Variants in SPATA6 observed in about 807,000 individuals in gnomAD.
SPATA6 encodes the protein spermatogenesis-associated protein 6.
A neutral mutation model predicts 65.3 loss-of-function variants in SPATA6; 56 were observed. That is an observed-to-expected ratio of 0.86 (90% confidence interval 0.69 to 1.07). The LOEUF is 1.07. SPATA6 is among the 50% of genes least tolerant of loss of function. The pLI is 0.00. For synonymous variants in SPATA6, 199 were observed against 213.2 expected (o/e 0.93, Z 0.58); for missense variants, 590 against 594.8 (o/e 0.99, Z 0.08).
intron 1 of SPATA6, among the ~76,000 whole-genome samples, chr1:48,457,286 G>A (rs962663228): frequency 6.6e-6 from 1 of 151,978 alleles, no homozygotes; most frequent in Non-Finnish European, 1.5e-5. Context: ...ACAAAAATTA[G>A]CTGGGCATGG....
intron 8 of SPATA6, 103 bp from the exon 9 acceptor site, chr1:48,385,452 A>G: frequency 2.0e-6 from 2 of 998,080 alleles, no homozygotes; most frequent in South Asian, 2.0e-5. Flanking sequence ...AGAATATTTC[A>G]GAGATACTTC....
At chr1:48,470,128 TAC>T (rs746330657) in intron 1 of SPATA6, among the ~76,000 whole-genome samples, 10 of 152,332 alleles carry the variant, frequency 6.6e-5, no homozygotes, top group Middle Eastern at 6.8e-3. Context: ...TACAGTGAAT[TAC>T]ACAGTCATTC....
rs574072359 is a variant in SPATA6, at chr1:48,308,499, G to GT, written c.1195-2622dup. ...AACTAAAGAGTTACTGGCAAAAACT[G>GT]TATTTAGCCTATCTTTTATATTTAC... is the stretch of plus-strand genomic sequence containing the variant. On this transcript the variant is annotated intron_variant, in intron 11 of 12. Coordinates refer to ENST00000371847, the MANE Select transcript of SPATA6 (RefSeq NM_019073.4). 6.8e-4 allele frequency among the ~76,000 whole-genome samples: 103 copies of GT among 152,188 alleles called. 2 individuals are homozygous for GT. The South Asian group carries it at 0.02, about 29-fold the overall frequency.
At chr1:48,326,782 G>A (rs1002564621) in intron 11 of SPATA6, among the ~76,000 whole-genome samples, 1 of 152,036 alleles carries the variant, frequency 6.6e-6, no homozygotes, top group Non-Finnish European at 1.5e-5. Context: ...GAATAGCGCT[G>A]GGAGAATTAG....
intron 11 of SPATA6, among the ~76,000 whole-genome samples, chr1:48,352,527 C>T (rs1015030667): frequency 6.6e-6 from 1 of 151,740 alleles, no homozygotes; most frequent in Non-Finnish European, 1.5e-5. Context: ...AGCAAATATC[C>T]AAACTGGAGA....
At chr1:48,368,251 G>A (rs1220902319) in intron 9 of SPATA6, among the ~76,000 whole-genome samples, 1 of 152,094 alleles carries the variant, frequency 6.6e-6, no homozygotes, top group Admixed American at 6.6e-5. Context: ...TTAAACTTTG[G>A]TGAATCTGAC....
At chr1:48,291,225 G>T (rs904972429), downstream of SPATA6, among the ~76,000 whole-genome samples, 3 of 152,200 alleles carry the variant, frequency 2.0e-5, no homozygotes, top group Non-Finnish European at 4.4e-5. Flanking sequence ...CCAGGAGGTG[G>T]CACTTTCAAA....
In SPATA6 at chr1:48,298,865, G is replaced by A. The variant is rs1169356642; in HGVS notation, c.1315C>T (p.His439Tyr). ...GACCAGTATTCACCGTCATCCAAATGGAAAGTGCCACGTGGCTGCTGACAT... is the reference window on the plus strand; with the variant it reads ...GACCAGTATTCACCGTCATCCAAATAGAAAGTGCCACGTGGCTGCTGACAT... ...SSCQQPRGTF[H>Y]LDDGEYWSNR... The change falls in exon 13 of 13, where the codon CAT becomes TAT. Residue 439 changes from histidine (H) to tyrosine (Y), a missense_variant. By Grantham distance (83) the His-to-Tyr change is moderately conservative. Coordinates refer to ENST00000371847, the MANE Select transcript of SPATA6 (RefSeq NM_019073.4). 15 of 1,613,402 alleles carry A rather than the reference G, an allele frequency of 9.3e-6. No individual in the cohort carries two copies. Among genetic ancestry groups the A allele is most frequent in the Non-Finnish European group, 1.3e-5 (15 of 1,179,762 alleles).
At chr1:48,341,135 A>G (rs192104261) in intron 11 of SPATA6, among the ~76,000 whole-genome samples, 2 of 152,294 alleles carry the variant, frequency 1.3e-5, no homozygotes, top group African/African-American at 4.8e-5. Context: ...AAACACTGAT[A>G]CTGGCACACT....
At chr1:48,442,955 C>T (rs192823938) in intron 3 of SPATA6, among the ~76,000 whole-genome samples, 339 of 152,278 alleles carry the variant, frequency 2.2e-3, no homozygotes, top group Non-Finnish European at 3.2e-3. Flanking sequence ...GAATCTAAAT[C>T]TTAACTAATT....
intron 11 of SPATA6, among the ~76,000 whole-genome samples, chr1:48,335,845 C>A (rs1646045013): frequency 6.6e-6 from 1 of 152,014 alleles, no homozygotes; most frequent in African/African-American, 2.4e-5. Context: ...AGTAAACAGA[C>A]AACTTACAGA....
intron 11 of SPATA6, among the ~76,000 whole-genome samples, chr1:48,311,775 C>A (rs939057340): frequency 2.6e-5 from 4 of 152,172 alleles, no homozygotes; most frequent in Admixed American, 6.5e-5. Flanking sequence ...CAAGGCATCA[C>A]CTCCCCCGGG....
At chr1:48,366,700 A>T (rs561182677) in intron 9 of SPATA6, among the ~76,000 whole-genome samples, 1 of 151,706 alleles carries the variant, frequency 6.6e-6, no homozygotes, top group East Asian at 1.9e-4. Context: ...TTCTTTATTA[A>T]TGTTGCTAGC....
At chr1:48,465,108 G>A (rs190315610) in intron 1 of SPATA6, among the ~76,000 whole-genome samples, 225 of 152,198 alleles carry the variant, frequency 1.5e-3, no homozygotes, top group Non-Finnish European at 2.7e-3. Flanking sequence ...TAAAGGTTTA[G>A]TATCCAAAAT....
downstream of SPATA6, among the ~76,000 whole-genome samples, chr1:48,291,506 G>A (rs953407619): frequency 1.1e-4 from 16 of 152,144 alleles, no homozygotes; most frequent in African/African-American, 3.6e-4. Context: ...CAGGGAAGTG[G>A]GGGAAAGTCG....
chr1:48,314,105 C>A (rs992529358), intron 11 of SPATA6, among the ~76,000 whole-genome samples: 22 of 152,246 alleles, frequency 1.4e-4, no homozygotes, highest in Non-Finnish European at 2.6e-4. Context: ...GACTTTGACA[C>A]CCCACTGTCA....
intron 9 of SPATA6, 130 bp downstream of exon 9, chr1:48,385,179 C>A: frequency 1.3e-6 from 1 of 798,282 alleles, no homozygotes; most frequent in African/African-American, 1.8e-5. Context: ...CATTATATGA[C>A]AATTATTGTT....
chr1:48,301,618 A>G (rs1644941232), intron 12 of SPATA6, among the ~76,000 whole-genome samples: 1 of 152,100 alleles, frequency 6.6e-6, no homozygotes, highest in Non-Finnish European at 1.5e-5. Flanking sequence ...ACATAACCTG[A>G]CTTGAAATTA....
intron 9 of SPATA6, among the ~76,000 whole-genome samples, chr1:48,379,343 C>T (rs952154530): frequency 5.3e-5 from 8 of 152,190 alleles, no homozygotes; most frequent in East Asian, 3.9e-4. Context: ...TCTCTTGACA[C>T]GTGGGGATTA....
Sources: gnomAD v4.1 joint callset for allele counts (sites outside exome capture counted in the v4.1 genomes callset) on GRCh38, gnomAD v4.1.1 for gene constraint, MANE v1.5 for transcripts, NCBI Gene and HGNC (gene_info 2026-07-23, HGNC 2026-07-21) for gene names.